SLC25A21: variants seen among roughly 807,000 people sequenced by gnomAD.
SLC25A21 encodes the protein mitochondrial 2-oxodicarboxylate carrier.
A neutral mutation model predicts 43.8 loss-of-function variants in SLC25A21; 47 were observed. The ratio of observed to expected loss-of-function variants is 1.07; its 90% confidence interval spans 0.85 to 1.37. SLC25A21 has a LOEUF of 1.37. SLC25A21 is among the 40% of genes most tolerant of loss of function. The probability of loss-of-function intolerance (pLI) is 0.00; values close to 1 mark genes in which losing one functional copy is unlikely to be tolerated. For missense variants in SLC25A21, 352 were observed against 350.2 expected (o/e 1.00, Z -0.04); for synonymous variants, 131 against 121.3 (o/e 1.08, Z -0.52).
chr14:36,813,825 G>T, intron 3 of SLC25A21, 93 bp downstream of exon 3: 3 of 843,226 alleles, frequency 3.6e-6, no homozygotes, highest in South Asian at 1.6e-5. Flanking sequence ...TAAGTATTTT[G>T]CCCCTAGTAA....
chr14:37,024,659 A>C (rs974882859), intron 1 of SLC25A21, among the ~76,000 whole-genome samples: 21 of 152,008 alleles, frequency 1.4e-4, no homozygotes, highest in African/African-American at 5.1e-4. Flanking sequence ...ACAGATCAAC[A>C]GCTTTATTAT....
intron 1 of SLC25A21, among the ~76,000 whole-genome samples, chr14:36,930,189 C>T (rs542417990): frequency 6.6e-6 from 1 of 152,112 alleles, no homozygotes; most frequent in Non-Finnish European, 1.5e-5. Context: ...AGCCTATTAA[C>T]CCCAGAACTA....
intron 3 of SLC25A21, among the ~76,000 whole-genome samples, chr14:36,790,769 T>C (rs1001883629): frequency 6.6e-6 from 1 of 152,158 alleles, no homozygotes; most frequent in African/African-American, 2.4e-5. Flanking sequence ...ATGATTGCTC[T>C]ATATTTTGAA....
chr14:37,044,679 G>T (rs1252702391), intron 1 of SLC25A21, among the ~76,000 whole-genome samples: 1 of 152,264 alleles, frequency 6.6e-6, no homozygotes, highest in South Asian at 2.1e-4. Context: ...GGTAGATACA[G>T]TCATGGAACA....
chr14:36,875,037 T>G (rs773015682), intron 1 of SLC25A21, 33 bp from the exon 2 acceptor site: 2 of 1,531,308 alleles, frequency 1.3e-6, no homozygotes, highest in Non-Finnish European at 9.0e-7. Flanking sequence ...CAATAAACAC[T>G]TATGTAAACA....
At chr14:37,075,879 G>A (rs1000284106) in intron 1 of SLC25A21, among the ~76,000 whole-genome samples, 2 of 152,128 alleles carry the variant, frequency 1.3e-5, no homozygotes, top group South Asian at 2.1e-4. Context: ...ATTGGCTTAC[G>A]CCCTGAAAAT....
At chr14:37,117,761 C>A (rs1206217299) in intron 1 of SLC25A21, among the ~76,000 whole-genome samples, 2 of 152,046 alleles carry the variant, frequency 1.3e-5, no homozygotes, top group East Asian at 3.9e-4. Context: ...CATCTCCTTC[C>A]TAAATGCAGA....
intron 1 of SLC25A21, among the ~76,000 whole-genome samples, chr14:36,973,491 A>G (rs1178666922): frequency 1.3e-5 from 2 of 152,224 alleles, no homozygotes; most frequent in Non-Finnish European, 2.9e-5. Flanking sequence ...TTCCATTACC[A>G]GAAAGAGAGA....
chr14:37,154,010 T>TG (rs2138938401), intron 1 of SLC25A21, among the ~76,000 whole-genome samples: 1 of 152,278 alleles, frequency 6.6e-6, no homozygotes, highest in South Asian at 2.1e-4. Flanking sequence ...AAACACACTC[T>TG]ATGACCCAGT....
At chr14:37,118,933 G>C (rs531928707) in intron 1 of SLC25A21, among the ~76,000 whole-genome samples, 2 of 152,230 alleles carry the variant, frequency 1.3e-5, no homozygotes, top group South Asian at 4.1e-4. Flanking sequence ...CACAGGATGA[G>C]ATACAAGCTT....
chr14:36,782,942 TA>T (rs1253016913), intron 3 of SLC25A21, among the ~76,000 whole-genome samples: 1 of 117,430 alleles, frequency 8.5e-6, no homozygotes. Context: ...CCCTAAAACT[TA>T]AAGTATAATA....
chr14:36,904,161 G>A (rs527747910), intron 1 of SLC25A21, among the ~76,000 whole-genome samples: 2 of 152,248 alleles, frequency 1.3e-5, no homozygotes, highest in South Asian at 2.1e-4. Flanking sequence ...CGATTGAGGG[G>A]GACGCTATAG....
intron 1 of SLC25A21, among the ~76,000 whole-genome samples, chr14:36,888,225 A>T (rs971959373): frequency 2.0e-5 from 3 of 152,130 alleles, no homozygotes; most frequent in Non-Finnish European, 4.4e-5. Flanking sequence ...CATTTTTAAA[A>T]ATCTCCAGTA....
At chr14:36,989,502 C>A (rs1821514156) in intron 1 of SLC25A21, among the ~76,000 whole-genome samples, 1 of 139,164 alleles carries the variant, frequency 7.2e-6, no homozygotes, top group African/African-American at 3.4e-5. Flanking sequence ...TTAACTAAAT[C>A]ATTTTTTTTT....
At chr14:36,840,883 G>T (rs1272174633) in intron 2 of SLC25A21, among the ~76,000 whole-genome samples, 1 of 152,190 alleles carries the variant, frequency 6.6e-6, no homozygotes, top group African/African-American at 2.4e-5. Flanking sequence ...TTGTTTTTCA[G>T]GGTTTTAATG....
chr14:37,064,662 C>T (rs942195953), intron 1 of SLC25A21, among the ~76,000 whole-genome samples: 2 of 152,148 alleles, frequency 1.3e-5, no homozygotes, highest in Admixed American at 6.5e-5. Context: ...ATCATTTTTG[C>T]TACCACCATC....
At chr14:36,819,496 T>C (rs1402098845) in intron 2 of SLC25A21, among the ~76,000 whole-genome samples, 1 of 152,180 alleles carries the variant, frequency 6.6e-6, no homozygotes, top group East Asian at 1.9e-4. Context: ...AGTCTCAGCA[T>C]AGATATACCA....
intron 1 of SLC25A21, among the ~76,000 whole-genome samples, chr14:36,903,881 C>A (rs544067087): frequency 6.6e-6 from 1 of 152,220 alleles, no homozygotes; most frequent in South Asian, 2.1e-4. Flanking sequence ...GATTCTAAAT[C>A]GAACTAAGCG....
At chr14:36,795,915 A>G (rs1310429395) in intron 3 of SLC25A21, among the ~76,000 whole-genome samples, 7 of 152,214 alleles carry the variant, frequency 4.6e-5, no homozygotes, top group African/African-American at 1.7e-4. Context: ...GAGGAAGTTT[A>G]GAGTTCAGAT....
Sources: gnomAD v4.1 joint callset for allele counts (sites outside exome capture counted in the v4.1 genomes callset) on GRCh38, gnomAD v4.1.1 for gene constraint, MANE v1.5 for transcripts, NCBI Gene and HGNC (gene_info 2026-07-23, HGNC 2026-07-21) for gene names.